ERGIC1: variants seen among roughly 807,000 people sequenced by gnomAD.
The protein encoded by ERGIC1 is endoplasmic reticulum-Golgi intermediate compartment protein 1.
Under a neutral mutation model 38.3 loss-of-function variants are expected in ERGIC1, and 19 were observed. That is an observed-to-expected ratio of 0.50 (90% CI 0.35 to 0.73). ERGIC1 has a LOEUF of 0.73. ERGIC1 is among the 30% of genes least tolerant of loss of function. ERGIC1 has a pLI of 0.01. For synonymous variants in ERGIC1, 124 were observed against 157.6 expected (o/e 0.79, Z 1.60); for missense variants, 294 against 389.2 (o/e 0.76, Z 2.06).
intron 1 of ERGIC1, among the ~76,000 whole-genome samples, chr5:172,881,857 T>C (rs547471504): frequency 2.0e-5 from 3 of 152,348 alleles, no homozygotes; most frequent in South Asian, 2.1e-4. Context: ...CCCTAGTATA[T>C]AGCAGGTTTG....
At chr5:172,932,986 CAG>C (rs371137820) in intron 8 of ERGIC1, 42 of 166,934 alleles carry the variant, frequency 2.5e-4, no homozygotes, top group South Asian at 1.3e-3. Flanking sequence ...TGTTGATTGA[CAG>C]GGGTGTCCCC....
At chr5:172,905,917 T>C (rs1210145817) in intron 3 of ERGIC1, 1 of 372,878 alleles carries the variant, frequency 2.7e-6, no homozygotes, top group Non-Finnish European at 5.3e-6. Context: ...TTTCTTTACC[T>C]CCTGCTTTTA....
At chr5:172,893,954 T>TATATATATA (rs1762650388) in intron 2 of ERGIC1, among the ~76,000 whole-genome samples, 1 of 124,106 alleles carries the variant, frequency 8.1e-6, no homozygotes, top group Non-Finnish European at 1.7e-5. Flanking sequence ...TATATATATA[T>TATATATATA]TTAAATGTCC....
chr5:172,915,156 C>G (rs1398389644), intron 5 of ERGIC1: 2 of 654,434 alleles, frequency 3.1e-6, no homozygotes, highest in Non-Finnish European at 5.6e-6. Context: ...CCCTTCTTGG[C>G]CCCTACAAGT....
In ERGIC1 at chr5:172,875,781, G is replaced by A. The variant is rs139490166; in HGVS notation, c.21-12918G>A. Among the ~76,000 whole-genome samples, 154 of 152,162 alleles carry A rather than the reference G, an allele frequency of 1.0e-3. 1 individual carries two copies. Among genetic ancestry groups the A allele is most frequent in the Non-Finnish European group, 2.0e-3 (134 of 68,000 alleles). On this transcript the variant is annotated intron_variant, in intron 1 of 9. Coordinates refer to ENST00000393784, the MANE Select transcript of ERGIC1 (RefSeq NM_001031711.3). The stretch of plus-strand genomic sequence containing the variant: ...TAATTTTTTAATATTTTGTGGAGAC[G>A]GGATCTCACTATGTTGCCCAGGGAA...
intron 7 of ERGIC1, among the ~76,000 whole-genome samples, chr5:172,928,433 T>C (rs1763701901): frequency 1.3e-5 from 2 of 152,158 alleles, no homozygotes; most frequent in Non-Finnish European, 2.9e-5. Flanking sequence ...TTTCTTGGCA[T>C]TAAGGTCTCA....
intron 1 of ERGIC1, among the ~76,000 whole-genome samples, chr5:172,887,860 T>C (rs959783919): frequency 1.3e-5 from 2 of 152,112 alleles, no homozygotes; most frequent in East Asian, 1.9e-4. Flanking sequence ...AGAGTCTCCA[T>C]GAGGCAGACA....
In ERGIC1 at chr5:172,854,289, G is replaced by A. The variant is rs542167105; in HGVS notation, c.20+19856G>A. On this transcript the variant is annotated intron_variant, in intron 1 of 9. Coordinates refer to ENST00000393784, the MANE Select transcript of ERGIC1 (RefSeq NM_001031711.3). ...CTCAGCTACTCAGGAGGCTGAGGCGGGAGGATCACTTGAGCCCGGGAGGTT... is the reference window on the plus strand; with the variant it reads ...CTCAGCTACTCAGGAGGCTGAGGCGAGAGGATCACTTGAGCCCGGGAGGTT... Among the ~76,000 whole-genome samples, 159 of 152,256 alleles carry A rather than the reference G, an allele frequency of 1.0e-3. 1 individual carries two copies. The highest frequency in any genetic ancestry group is 3.6e-3 in the African/African-American group (151 of 41,544).
chr5:172,852,279 G>A (rs1308827162), intron 1 of ERGIC1, among the ~76,000 whole-genome samples: 4 of 152,176 alleles, frequency 2.6e-5, no homozygotes, highest in East Asian at 3.9e-4. Flanking sequence ...TTTCCAAAAC[G>A]CAGGCAGGGT....
At chr5:172,921,302 G>A (rs887754348) in intron 5 of ERGIC1, among the ~76,000 whole-genome samples, 3 of 152,242 alleles carry the variant, frequency 2.0e-5, no homozygotes, top group East Asian at 1.9e-4. Context: ...TGAAGCAGGC[G>A]ATGCTGTCCC....
chr5:172,915,376 G>A lies in ERGIC1; in HGVS notation c.375+538G>A, dbSNP rs757988882. 1.5e-4 allele frequency: 64 copies of A among 437,734 alleles called. 1 individual carries two copies. The highest frequency in any genetic ancestry group is 2.5e-4 in the Non-Finnish European group (56 of 222,544). 27.1% of individuals were successfully genotyped at this position (437,734 alleles called of 1,614,324 possible). ...TGGGGCTCCCATTCTGGTAGAGGGA[G>A]ACAGTCTACAAACCAGAAAGCATCA... On this transcript the variant is annotated intron_variant, in intron 5 of 9. Coordinates refer to ENST00000393784, the MANE Select transcript of ERGIC1 (RefSeq NM_001031711.3).
In ERGIC1 at chr5:172,834,303, G is replaced by A; in HGVS notation, c.-111G>A. 9.5e-7 allele frequency: 1 copy of A among 1,050,528 alleles called. No homozygotes were observed. The highest frequency in any genetic ancestry group is 1.2e-6 in the Non-Finnish European group (1 of 849,294). The allele number at this position is 1,050,528 out of a possible 1,614,324, so 65.1% of individuals were successfully genotyped here. On this transcript the variant is annotated 5_prime_UTR_variant, in exon 1 of 10. Transcript: ENST00000393784. The surrounding 1 kb of genome is among the most constrained non-coding windows in gnomAD (Gnocchi z 4.1). The stretch of plus-strand genomic sequence containing the variant: ...GAGTGGCGAGTGGCGAGTGTCAGGG[G>A]GGCGGCCGGCGGGGGCGGGGCGGCC...
intron 1 of ERGIC1, among the ~76,000 whole-genome samples, chr5:172,886,950 AC>A (rs748115933): frequency 2.5e-4 from 38 of 151,982 alleles, no homozygotes; most frequent in Non-Finnish European, 5.1e-4. Flanking sequence ...TCCCGACCAC[AC>A]CCCAGCCCCA....
chr5:172,943,166 AGAG>A (rs777903881), intron 9 of ERGIC1, among the ~76,000 whole-genome samples: 1 of 152,270 alleles, frequency 6.6e-6, no homozygotes, highest in South Asian at 2.1e-4. Context: ...GAATGAGAAA[AGAG>A]GAGAAGGTGC....
At chr5:172,914,587 C>T (rs769558074) in intron 4 of ERGIC1, 127 bp from the exon 5 acceptor site, 25 of 1,486,498 alleles carry the variant, frequency 1.7e-5, no homozygotes, top group East Asian at 2.3e-5. Context: ...AGACCATGAG[C>T]TCCTGGAGGT....
rs1284630232 is a variant in ERGIC1 at position 172,837,490 on chromosome 5, T to G, written c.20+3057T>G. On this transcript the variant is annotated intron_variant, in intron 1 of 9. Coordinates refer to ENST00000393784, the MANE Select transcript of ERGIC1 (RefSeq NM_001031711.3). This position sits in a 1 kb window ranked among gnomAD's most constrained non-coding sequence, Gnocchi z 4.3. ...ATGAGCTCCTGAGGGCAAGAAGTTT[T>G]TATCAGGCTTCTTCAAGGTTGCATC... Among the ~76,000 whole-genome samples the G allele has an allele frequency of 1.3e-5, 2 of 152,234 alleles. No individual in the cohort carries two copies. The highest frequency in any genetic ancestry group is 2.9e-5 in the Non-Finnish European group (2 of 68,032).
rs1036952907 is a variant in ERGIC1, at chr5:172,893,801, T to C, written c.83-3201T>C. ...AACTGATGTGGAACCTGTTTCGACATAGATTGCTGAGTGAGCAAAGCACGG... is the reference window on the plus strand; with the variant it reads ...AACTGATGTGGAACCTGTTTCGACACAGATTGCTGAGTGAGCAAAGCACGG... On this transcript the variant is annotated intron_variant, in intron 2 of 9. Coordinates refer to ENST00000393784, the MANE Select transcript of ERGIC1 (RefSeq NM_001031711.3). Among the ~76,000 whole-genome samples the C allele has an allele frequency of 3.4e-5, 5 of 146,234 alleles. No individual in the cohort carries two copies. In the Admixed American group the frequency reaches 3.5e-4, roughly 10 times the overall value.
intron 1 of ERGIC1, among the ~76,000 whole-genome samples, chr5:172,836,775 G>T (rs1010547176): frequency 3.9e-5 from 6 of 152,220 alleles, no homozygotes; most frequent in Admixed American, 3.3e-4. Context: ...AGGAGTGGGG[G>T]TGTGCGTGAA....
At chr5:172,856,540 G>A (rs1482603322) in intron 1 of ERGIC1, among the ~76,000 whole-genome samples, 3 of 152,168 alleles carry the variant, frequency 2.0e-5, no homozygotes, top group Non-Finnish European at 4.4e-5. Flanking sequence ...AAGAGCGGGG[G>A]ATACAATGGG....
Sources: allele counts gnomAD v4.1 joint callset (sites outside exome capture counted in the v4.1 genomes callset), GRCh38; gene constraint gnomAD v4.1.1; non-coding constraint Gnocchi (gnomAD v3.1); transcripts MANE v1.5; gene names NCBI Gene and HGNC (gene_info 2026-07-23, HGNC 2026-07-21).